ARK2N: variants seen among roughly 807,000 people sequenced by gnomAD.
The protein encoded by ARK2N is protein ARK2N.
the ARK2N span, among the ~76,000 whole-genome samples, chr18:46,248,894 A>T: frequency 6.6e-6 from 1 of 151,924 alleles, no homozygotes; most frequent in African/African-American, 2.4e-5. Flanking sequence ...CTATACTCTT[A>T]CGCAGCTACT....
the ARK2N span, chr18:46,218,001 C>T: frequency 1.3e-5 from 2 of 152,196 alleles, no homozygotes; most frequent in East Asian, 3.9e-4. Context: ...CTCTTCTAAC[C>T]TCTTAATCAA....
At chr18:46,223,731 C>T in the ARK2N span, among the ~76,000 whole-genome samples, 1 of 151,926 alleles carries the variant, frequency 6.6e-6, no homozygotes, top group Non-Finnish European at 1.5e-5. Flanking sequence ...AGTATCTGAG[C>T]ACCCAGTCCA....
chr18:46,250,505 C>CACACACACACACACACACACACACAT, the ARK2N span, among the ~76,000 whole-genome samples: 9 of 151,558 alleles, frequency 5.9e-5, no homozygotes, highest in African/African-American at 2.2e-4. Flanking sequence ...CACACACACA[C>CACACACACACACACACACACACACAT]ACACACACAC....
chr18:46,253,666 G>A, the ARK2N span: 1 of 1,599,712 alleles, frequency 6.3e-7, no homozygotes, highest in African/African-American at 1.3e-5. Context: ...AAATTATAGT[G>A]CTTGTTTTTT....
chr18:46,264,853 C>G, the ARK2N span: 2 of 150,826 alleles, frequency 1.3e-5, no homozygotes, highest in African/African-American at 4.9e-5. Context: ...TTGATCTTCT[C>G]TGATAGCATC....
At chr18:46,245,246 T>G in the ARK2N span, among the ~76,000 whole-genome samples, 2 of 152,054 alleles carry the variant, frequency 1.3e-5, no homozygotes, top group East Asian at 3.9e-4. Flanking sequence ...TCCTTCACTT[T>G]TTAAGGTTGT....
the ARK2N span, among the ~76,000 whole-genome samples, chr18:46,225,326 G>C: frequency 2.0e-5 from 3 of 152,328 alleles, no homozygotes; most frequent in Admixed American, 2.0e-4. Context: ...CAATTTTCTA[G>C]TTAACGTTGC....
chr18:46,209,855 A>G, the ARK2N span, among the ~76,000 whole-genome samples: 2 of 152,128 alleles, frequency 1.3e-5, no homozygotes, highest in African/African-American at 2.4e-5. Flanking sequence ...CGGCCTCCCA[A>G]AGTGCTGGGA....
chr18:46,177,681 C>A, the ARK2N span, among the ~76,000 whole-genome samples: 1 of 151,946 alleles, frequency 6.6e-6, no homozygotes, highest in Admixed American at 6.6e-5. Context: ...CCTGCCTCGG[C>A]CTCCCAAAGT....
chr18:46,246,670 C>A, the ARK2N span, among the ~76,000 whole-genome samples: 1 of 152,180 alleles, frequency 6.6e-6, no homozygotes, highest in Non-Finnish European at 1.5e-5. Context: ...AGGCTAGGCG[C>A]GGAGGCTCAC....
chr18:46,189,405 C>T, the ARK2N span, among the ~76,000 whole-genome samples: 1 of 151,986 alleles, frequency 6.6e-6, no homozygotes, highest in Non-Finnish European at 1.5e-5. Flanking sequence ...TAGCAACCTT[C>T]AAATACATTA....
At chr18:46,178,465 G>A in the ARK2N span, among the ~76,000 whole-genome samples, 3 of 152,138 alleles carry the variant, frequency 2.0e-5, no homozygotes, top group South Asian at 2.1e-4. Context: ...GGCATGTGCC[G>A]TCATGCCAGG....
At chr18:46,238,674 C>T in the ARK2N span, among the ~76,000 whole-genome samples, 3 of 152,114 alleles carry the variant, frequency 2.0e-5, no homozygotes, top group Admixed American at 2.0e-4. Context: ...CACCTAACAA[C>T]TCATTTACTT....
At chr18:46,247,812 C>G in the ARK2N span, among the ~76,000 whole-genome samples, 1 of 152,218 alleles carries the variant, frequency 6.6e-6, no homozygotes, top group African/African-American at 2.4e-5. Flanking sequence ...GCTGGGACTA[C>G]AGGGGCGTAC....
the ARK2N span, among the ~76,000 whole-genome samples, chr18:46,231,566 CTTT>C: frequency 0.63 from 63,021 of 100,308 alleles, 18,387 homozygotes; most frequent in Non-Finnish European, 0.68. Context: ...AGGTTTGGGG[CTTT>C]TTTTTTTTTT....
chr18:46,215,491 A>G, the ARK2N span, among the ~76,000 whole-genome samples: 1 of 152,208 alleles, frequency 6.6e-6, no homozygotes, highest in Non-Finnish European at 1.5e-5. Flanking sequence ...ATGAATGCAT[A>G]TTAATTATAT....
the ARK2N span, among the ~76,000 whole-genome samples, chr18:46,226,201 C>T: frequency 1.3e-5 from 2 of 152,246 alleles, no homozygotes; most frequent in Non-Finnish European, 2.9e-5. Context: ...GAACACAATT[C>T]GTTTCTGAGC....
the ARK2N span, among the ~76,000 whole-genome samples, chr18:46,204,362 C>CT: frequency 6.6e-6 from 1 of 151,966 alleles, no homozygotes; most frequent in South Asian, 2.1e-4. Flanking sequence ...TTTCTTTTTT[C>CT]TTTTTTTGTA....
At chr18:46,188,949 T>C in the ARK2N span, among the ~76,000 whole-genome samples, 1 of 152,078 alleles carries the variant, frequency 6.6e-6, no homozygotes, top group Non-Finnish European at 1.5e-5. Flanking sequence ...GCGGGGTGGC[T>C]CACGCCTGTA....
Sources: allele counts gnomAD v4.1 joint callset (sites outside exome capture counted in the v4.1 genomes callset), GRCh38; gene constraint gnomAD v4.1.1; transcripts MANE v1.5; gene names NCBI Gene and HGNC (gene_info 2026-07-23, HGNC 2026-07-21).